ARHGEF12: variants seen among roughly 807,000 people sequenced by gnomAD.
ARHGEF12 encodes the protein KMT2A/ARHGEF12 fusion protein.
In ARHGEF12, 66 loss-of-function variants were observed where a neutral mutation model predicts 211.2. The observed-to-expected ratio is 0.31, with a 90% CI of 0.26 to 0.38. The LOEUF (loss-of-function observed/expected upper bound fraction) is 0.38, where lower values mean the gene tolerates loss of function less well. ARHGEF12 is among the 10% of genes least tolerant of loss of function. The pLI, the probability that ARHGEF12 is intolerant of heterozygous loss-of-function variation, is 1.00. For missense variants in ARHGEF12, 1,429 were observed against 1,869.5 expected (o/e 0.76, Z 4.34); for synonymous variants, 592 against 638.4 (o/e 0.93, Z 1.09).
At chr11:120,369,513 TTTAAAGAG>T (rs1943530348) in intron 1 of ARHGEF12, among the ~76,000 whole-genome samples, 1 of 152,222 alleles carries the variant, frequency 6.6e-6, no homozygotes, top group African/African-American at 2.4e-5. Flanking sequence ...ATTGGTAAGT[TTTAAAGAG>T]TTAAAGTCAG....
intron 1 of ARHGEF12, among the ~76,000 whole-genome samples, chr11:120,345,236 G>A (rs1429950683): frequency 6.6e-6 from 1 of 152,168 alleles, no homozygotes; most frequent in African/African-American, 2.4e-5. Context: ...AAGAACCCAT[G>A]ACTGTATTCT....
rs773580407 is a variant in ARHGEF12 at position 120,480,188 on chromosome 11, C to A, written c.3995C>A (p.Thr1332Asn). The change falls in exon 38 of 41, where the codon ACT (threonine) becomes AAT (asparagine). Residue 1332 changes from threonine to asparagine, a missense_variant. Around this residue, in one of 7 missense-constraint regions of ARHGEF12, gnomAD observed 467 missense variants for 468.4 expected, o/e 1.00. Coordinates refer to ENST00000397843, the MANE Select transcript of ARHGEF12 (RefSeq NM_015313.3). ...IATCYSPRTS[T>N]ESFAPRDSVG... Reference sequence around the variant, plus strand: ...ACTTGTTACAGTCCACGGACTTCAACTGAATCTTTTGCTCCACGGGATTCA... The same window carrying A: ...ACTTGTTACAGTCCACGGACTTCAAATGAATCTTTTGCTCCACGGGATTCA... The A allele has an allele frequency of 1.9e-6, 3 of 1,614,224 alleles. No individual in the cohort carries two copies. The Admixed American group carries it at 5.0e-5, about 27-fold the overall frequency.
chr11:120,473,464 G>A (rs1377591901), intron 31 of ARHGEF12, among the ~76,000 whole-genome samples: 4 of 152,184 alleles, frequency 2.6e-5, no homozygotes, highest in Non-Finnish European at 4.4e-5. Flanking sequence ...ATGCAGTGGT[G>A]CAGTCTTGGC....
intron 22 of ARHGEF12, among the ~76,000 whole-genome samples, chr11:120,456,395 C>T (rs974650092): frequency 6.6e-6 from 1 of 151,928 alleles, no homozygotes; most frequent in Non-Finnish European, 1.5e-5. Context: ...AATAACCCAG[C>T]TAGTAATAAT....
chr11:120,412,077 C>A (rs995765022), intron 4 of ARHGEF12, among the ~76,000 whole-genome samples: 2 of 152,124 alleles, frequency 1.3e-5, no homozygotes, highest in African/African-American at 4.8e-5. Context: ...GTTATTTATT[C>A]CATTTCCCCT....
At chr11:120,455,296 A>C (rs1233006781) in intron 22 of ARHGEF12, among the ~76,000 whole-genome samples, 2 of 152,180 alleles carry the variant, frequency 1.3e-5, no homozygotes, top group Non-Finnish European at 2.9e-5. Flanking sequence ...ATGCTTTTTA[A>C]AAAATCCATT....
chr11:120,345,627 C>G (rs1423924543), intron 1 of ARHGEF12, among the ~76,000 whole-genome samples: 1 of 140,114 alleles, frequency 7.1e-6, no homozygotes, highest in African/African-American at 2.7e-5. Context: ...GGCATGAACC[C>G]AGGAGGTGGA....
chr11:120,425,350 T>TG (rs1565471495), intron 7 of ARHGEF12, among the ~76,000 whole-genome samples: 39 of 152,004 alleles, frequency 2.6e-4, no homozygotes, highest in African/African-American at 8.9e-4. Flanking sequence ...TTTTTTTTTT[T>TG]TTTTTGTTTG....
intron 1 of ARHGEF12, among the ~76,000 whole-genome samples, chr11:120,389,578 A>T (rs1442934026): frequency 6.6e-6 from 1 of 152,170 alleles, no homozygotes; most frequent in Non-Finnish European, 1.5e-5. Flanking sequence ...GGTATCTTTC[A>T]TCTCAAGCAT....
intron 29 of ARHGEF12, among the ~76,000 whole-genome samples, 186 bp from the exon 30 acceptor site, chr11:120,469,102 A>G (rs1946795461): frequency 1.3e-5 from 2 of 152,174 alleles, no homozygotes; most frequent in Non-Finnish European, 1.5e-5. Context: ...GTCCTGTTAT[A>G]AGAAGTTTTA....
intron 4 of ARHGEF12, among the ~76,000 whole-genome samples, chr11:120,414,529 A>G (rs1191773077): frequency 6.6e-6 from 1 of 152,184 alleles, no homozygotes; most frequent in African/African-American, 2.4e-5. Flanking sequence ...ATAGAGATAC[A>G]AAGATATAAG....
intron 4 of ARHGEF12, among the ~76,000 whole-genome samples, chr11:120,419,629 G>GTA (rs951521428): frequency 3.3e-4 from 50 of 151,172 alleles, no homozygotes; most frequent in African/African-American, 1.0e-3. Context: ...TACACTGTGT[G>GTA]TATATATATA....
At chr11:120,482,159 C>T (rs766516359) in intron 39 of ARHGEF12, among the ~76,000 whole-genome samples, 1 of 152,122 alleles carries the variant, frequency 6.6e-6, no homozygotes, top group East Asian at 1.9e-4. Flanking sequence ...TGAAATGCTT[C>T]GGGTAGTTGG....
chr11:120,340,628 T>C (rs543808726), intron 1 of ARHGEF12, among the ~76,000 whole-genome samples: 2 of 152,292 alleles, frequency 1.3e-5, no homozygotes, highest in South Asian at 2.1e-4. Context: ...GAGCTACTCA[T>C]GTTTATATGT....
At chr11:120,476,949 TA>T in intron 34 of ARHGEF12, 1 of 594,286 alleles carries the variant, frequency 1.7e-6, no homozygotes, top group Non-Finnish European at 2.9e-6. Context: ...GTTTATTTCC[TA>T]AAGAAAAAAT....
At chr11:120,352,373 A>G (rs1943006580) in intron 1 of ARHGEF12, among the ~76,000 whole-genome samples, 1 of 152,206 alleles carries the variant, frequency 6.6e-6, no homozygotes. Flanking sequence ...CATATATGTA[A>G]TATATTAATA....
intron 1 of ARHGEF12, among the ~76,000 whole-genome samples, chr11:120,362,207 T>C (rs1943297005): frequency 6.6e-6 from 1 of 152,240 alleles, no homozygotes; most frequent in South Asian, 2.1e-4. Flanking sequence ...TCTAAAGTCC[T>C]GTAATGTTGA....
intron 1 of ARHGEF12, among the ~76,000 whole-genome samples, chr11:120,400,236 C>T (rs1362048099): frequency 1.3e-5 from 2 of 151,660 alleles, no homozygotes; most frequent in African/African-American, 4.8e-5. Context: ...TTATTTTTAC[C>T]AGTATATTCT....
Position 120,426,859 on chromosome 11 carries a change from TG to T in ARHGEF12, c.407-1209del, listed in dbSNP as rs1945359097. Among the ~76,000 whole-genome samples, 3 of 145,492 alleles carry T rather than the reference TG, an allele frequency of 2.1e-5. No individual in the cohort carries two copies. In the South Asian group the frequency reaches 7.6e-4, roughly 37 times the overall value. ...TATCTATTACTGACTCTGATTATGG[TG>T]TTTTTTTTTGTTTTTGTTTTTGTTT... is the stretch of plus-strand genomic sequence containing the variant. On this transcript the variant is annotated intron_variant, in intron 7 of 40. Coordinates refer to ENST00000397843, the MANE Select transcript of ARHGEF12 (RefSeq NM_015313.3).
Sources: allele counts gnomAD v4.1 joint callset (sites outside exome capture counted in the v4.1 genomes callset), GRCh38; gene constraint gnomAD v4.1.1; regional missense constraint gnomAD v4.1.1; transcripts MANE v1.5; gene names NCBI Gene and HGNC (gene_info 2026-07-23, HGNC 2026-07-21).